Variants in EDNRA observed in about 807,000 individuals in gnomAD.
EDNRA encodes endothelin-1 receptor.
In EDNRA, 11 loss-of-function variants were observed where a neutral mutation model predicts 41.4. That is an observed-to-expected ratio of 0.27 (90% CI 0.17 to 0.44). The LOEUF is 0.44. EDNRA is among the 20% of genes least tolerant of loss of function. The pLI, the probability that EDNRA is intolerant of heterozygous loss-of-function variation, is 1.00. For synonymous variants in EDNRA, 172 were observed against 183.0 expected (o/e 0.94, Z 0.49); for missense variants, 294 against 531.0 (o/e 0.55, Z 4.39).
intron 5 of EDNRA, among the ~76,000 whole-genome samples, chr4:147,536,437 G>A (rs1276399246): frequency 1.3e-5 from 2 of 152,182 alleles, no homozygotes; most frequent in Non-Finnish European, 2.9e-5. Context: ...CCACAGGTGT[G>A]GTAAAAGTAG....
chr4:147,501,046 T>A (rs761716966), intron 2 of EDNRA, among the ~76,000 whole-genome samples: 4 of 152,232 alleles, frequency 2.6e-5, no homozygotes, highest in Non-Finnish European at 4.4e-5. Context: ...GGTTTTGAAA[T>A]TCTTTACTTG....
Position 147,535,859 on chromosome 4 carries a change from T to A in EDNRA, c.748-18T>A. 1 of 1,541,068 alleles carries A rather than the reference T, an allele frequency of 6.5e-7. No homozygotes were observed. The highest frequency in any genetic ancestry group is 8.8e-7 in the Non-Finnish European group (1 of 1,141,182). On this transcript the variant is annotated intron_variant, in intron 4 of 7. Coordinates refer to ENST00000651419, the MANE Select transcript of EDNRA (RefSeq NM_001957.4). ...ACTCTGCTCCTCCTTTTCTCTTTTT[T>A]TTTTTTTCACTTTGAAGTTCTACCA... is the stretch of plus-strand genomic sequence containing the variant.
intron 3 of EDNRA, among the ~76,000 whole-genome samples, chr4:147,530,963 C>T (rs1730719270): frequency 6.6e-6 from 1 of 152,112 alleles, no homozygotes; most frequent in South Asian, 2.1e-4. Flanking sequence ...ACAAAAATTT[C>T]AGGAATGAGG....
At chr4:147,483,528 T>G (rs1728842745) in intron 1 of EDNRA, among the ~76,000 whole-genome samples, 1 of 152,120 alleles carries the variant, frequency 6.6e-6, no homozygotes, top group Non-Finnish European at 1.5e-5. Context: ...GGCAAAAGTA[T>G]CCAATACTCG....
At chr4:147,515,297 G>C (rs1006634938) in intron 2 of EDNRA, among the ~76,000 whole-genome samples, 1 of 152,080 alleles carries the variant, frequency 6.6e-6, no homozygotes, top group Non-Finnish European at 1.5e-5. Flanking sequence ...CCCTAGATGC[G>C]AGTAGCACAC....
intron 5 of EDNRA, among the ~76,000 whole-genome samples, chr4:147,537,815 TTA>T (rs543700791): frequency 0.34 from 51,151 of 151,094 alleles, 10,314 homozygotes; most frequent in African/African-American, 0.57. Context: ...CCTCATGCAG[TTA>T]ACGTTCCTTT....
At chr4:147,483,777 T>C (rs1231076639) in intron 1 of EDNRA, among the ~76,000 whole-genome samples, 1 of 151,462 alleles carries the variant, frequency 6.6e-6, no homozygotes, top group East Asian at 1.9e-4. Context: ...TGGAGTGCAG[T>C]GACTCGATCA....
At chr4:147,527,819 C>T (rs748781246) in intron 3 of EDNRA, among the ~76,000 whole-genome samples, 5 of 152,054 alleles carry the variant, frequency 3.3e-5, no homozygotes, top group South Asian at 4.2e-4. Flanking sequence ...AAGGCTCTAC[C>T]GGGAGTTGGC....
intron 2 of EDNRA, chr4:147,489,069 T>C (rs1276663052): frequency 1.3e-5 from 2 of 152,240 alleles, no homozygotes; most frequent in Non-Finnish European, 2.9e-5. Flanking sequence ...GAAAGAAGAA[T>C]AAATAGTTGA....
At chr4:147,511,879 C>G (rs1729939833) in intron 2 of EDNRA, among the ~76,000 whole-genome samples, 1 of 152,078 alleles carries the variant, frequency 6.6e-6, no homozygotes, top group Admixed American at 6.5e-5. Flanking sequence ...AGCTCTGACC[C>G]AGACACACAA....
At chr4:147,529,914 G>A (rs1205166975) in intron 3 of EDNRA, among the ~76,000 whole-genome samples, 2 of 152,090 alleles carry the variant, frequency 1.3e-5, no homozygotes, top group Non-Finnish European at 2.9e-5. Flanking sequence ...AGATGTTATC[G>A]AGATCTGTGT....
intron 2 of EDNRA, among the ~76,000 whole-genome samples, chr4:147,516,693 C>T (rs775601479): frequency 5.3e-5 from 8 of 152,114 alleles, no homozygotes; most frequent in Non-Finnish European, 1.0e-4. Context: ...GACTCGTCAG[C>T]TTGTCAGACT....
intron 4 of EDNRA, 84 bp from the exon 5 acceptor site, chr4:147,535,793 A>G: frequency 6.6e-7 from 1 of 1,524,490 alleles, no homozygotes; most frequent in Non-Finnish European, 8.9e-7. Context: ...AAGTTTAAAG[A>G]CCTTAAAGCT....
chr4:147,519,829 C>T lies in EDNRA; in HGVS notation c.421-22C>T, dbSNP rs199570720. 1.2e-6 allele frequency: 2 copies of T among 1,612,052 alleles called. No individual in the cohort carries two copies. Among genetic ancestry groups the T allele is most frequent in the East Asian group, 2.2e-5 (1 of 44,784 alleles). Reference sequence around the variant, plus strand: ...TCCGTGCCAGCTCTACCATTTCTTACCACTGTGTCTCCTTCTTTCAGCTGC... The same window carrying T: ...TCCGTGCCAGCTCTACCATTTCTTATCACTGTGTCTCCTTCTTTCAGCTGC... On this transcript the variant is annotated intron_variant, in intron 2 of 7. Transcript: ENST00000651419. The surrounding 1 kb of genome is among the most constrained non-coding windows in gnomAD (Gnocchi z 4.1).
intron 7 of EDNRA, among the ~76,000 whole-genome samples, chr4:147,541,067 C>CAAAAAAAAA (rs10551607): frequency 2.2e-5 from 1 of 46,166 alleles, no homozygotes; most frequent in Non-Finnish European, 4.5e-5. Context: ...GACTCAGTCT[C>CAAAAAAAAA]AAAAAAAAAA....
intron 2 of EDNRA, among the ~76,000 whole-genome samples, chr4:147,497,733 G>A (rs1158904929): frequency 2.0e-5 from 3 of 152,036 alleles, no homozygotes; most frequent in African/African-American, 4.8e-5. Context: ...CACCAAGCCT[G>A]GCTAATTTAT....
intron 5 of EDNRA, 44 bp from the exon 6 acceptor site, chr4:147,539,773 A>C: frequency 6.3e-7 from 1 of 1,591,680 alleles, no homozygotes; most frequent in Non-Finnish European, 8.5e-7. Flanking sequence ...TCTAGTATAA[A>C]AACACTAAAT....
At position 147,485,481 on chromosome 4, in the gene EDNRA, C is replaced by A. The variant is rs1408421218; in HGVS notation, c.-70-131C>A. On this transcript the variant is annotated intron_variant, in intron 1 of 7. Coordinates refer to ENST00000651419, the MANE Select transcript of EDNRA (RefSeq NM_001957.4). ...CTGGTTTTGCTCTGTCATAGGGTAACCTGATATACATATATCTTATCTAAT... is the reference window on the plus strand; with the variant it reads ...CTGGTTTTGCTCTGTCATAGGGTAAACTGATATACATATATCTTATCTAAT... The A allele has an allele frequency of 6.0e-6, 4 of 669,606 alleles. No homozygotes were observed. The East Asian group carries it at 1.1e-4, about 19-fold the overall frequency. 41.5% of individuals were successfully genotyped at this position (669,606 alleles called of 1,614,324 possible).
chr4:147,491,262 A>G (rs1729127104), intron 2 of EDNRA: 1 of 152,228 alleles, frequency 6.6e-6, no homozygotes, highest in South Asian at 2.1e-4. Context: ...GGATCTGAAC[A>G]ATGTGGAAAT....
Sources: allele counts gnomAD v4.1 joint callset (sites outside exome capture counted in the v4.1 genomes callset), GRCh38; gene constraint gnomAD v4.1.1; non-coding constraint Gnocchi (gnomAD v3.1); transcripts MANE v1.5; gene names NCBI Gene and HGNC (gene_info 2026-07-23, HGNC 2026-07-21).